LPP: variants seen among roughly 807,000 people sequenced by gnomAD.
The protein encoded by LPP is lipoma-preferred partner.
LPP carries 38 observed loss-of-function variants against 60.4 expected under a neutral mutation model. The ratio of observed to expected loss-of-function variants is 0.63; its 90% confidence interval spans 0.49 to 0.83. The LOEUF (loss-of-function observed/expected upper bound fraction) is 0.83. LPP is among the 40% of genes least tolerant of loss of function. The pLI is 0.00. For synonymous variants in LPP, 328 were observed against 290.8 expected, an observed-to-expected ratio of 1.13 and a Z score of -1.30; for missense variants, 902 against 783.6, an observed-to-expected ratio of 1.15 and a Z score of -1.80.
chr3:188,157,008 A>G (rs537934281), intron 1 of LPP, among the ~76,000 whole-genome samples: 1 of 152,346 alleles, frequency 6.6e-6, no homozygotes, highest in African/African-American at 2.4e-5. Context: ...CAATTGTAAA[A>G]CACACTTTTT....
At chr3:188,841,938 T>A (rs938229139) in intron 9 of LPP, among the ~76,000 whole-genome samples, 1 of 152,138 alleles carries the variant, frequency 6.6e-6, no homozygotes, top group African/African-American at 2.4e-5. Flanking sequence ...CTTAAGGAGA[T>A]TTTGGGCTGA....
At position 188,882,888 on chromosome 3, in the gene LPP, G is replaced by C. The variant is rs371360593; in HGVS notation, c.*8409G>C. On this transcript the variant is annotated 3_prime_UTR_variant, in exon 12 of 12. Transcript: ENST00000617246. ...CGAGTAGCTGGGACTACAGACGCCCGCCACCGCGCCCAGCTAATTTTTTTT... is the reference window on the plus strand; with the variant it reads ...CGAGTAGCTGGGACTACAGACGCCCCCCACCGCGCCCAGCTAATTTTTTTT... 1 of 181,194 alleles carries C rather than the reference G, an allele frequency of 5.5e-6. No individual in the cohort carries two copies. The highest frequency in any genetic ancestry group is 1.2e-5 in the Non-Finnish European group (1 of 85,014). The allele number at this position is 181,194 out of a possible 1,614,324, so 11.2% of individuals were successfully genotyped here.
chr3:188,385,185 C>T (rs552052291), intron 3 of LPP, among the ~76,000 whole-genome samples: 21 of 152,124 alleles, frequency 1.4e-4, no homozygotes, highest in Non-Finnish European at 2.9e-4. Context: ...CCCTGAACCC[C>T]TCACCTTCCC....
At chr3:188,385,805 T>G (rs1778113161) in intron 3 of LPP, among the ~76,000 whole-genome samples, 1 of 152,166 alleles carries the variant, frequency 6.6e-6, no homozygotes, top group Non-Finnish European at 1.5e-5. Context: ...ATTCTAACAC[T>G]AGGTAGGCTG....
intron 5 of LPP, among the ~76,000 whole-genome samples, chr3:188,493,940 C>T (rs1019215950): frequency 6.6e-6 from 1 of 152,032 alleles, no homozygotes; most frequent in South Asian, 2.1e-4. Context: ...TGGTGATAGT[C>T]TGCTTTTGAC....
chr3:188,262,504 C>T (rs984389865), intron 2 of LPP, among the ~76,000 whole-genome samples: 5 of 152,026 alleles, frequency 3.3e-5, no homozygotes, highest in African/African-American at 1.2e-4. Flanking sequence ...AATCTTAACT[C>T]ACCCTCTGTA....
chr3:188,645,406 T>G (rs933331656), intron 7 of LPP, among the ~76,000 whole-genome samples: 3 of 152,220 alleles, frequency 2.0e-5, no homozygotes, highest in Non-Finnish European at 4.4e-5. Context: ...CCATCCTCAG[T>G]GCTTAAGCAC....
chr3:188,495,089 T>A (rs373558856), intron 5 of LPP, among the ~76,000 whole-genome samples: 77 of 110,112 alleles, frequency 7.0e-4, no homozygotes, highest in East Asian at 2.7e-3. Flanking sequence ...TATATTTTAT[T>A]TATATTTTAT....
chr3:188,835,827 G>C (rs1328953174), intron 9 of LPP, among the ~76,000 whole-genome samples: 1 of 152,178 alleles, frequency 6.6e-6, no homozygotes, highest in Non-Finnish European at 1.5e-5. Flanking sequence ...AAATAAGGTA[G>C]CAATTCCTGA....
intron 8 of LPP, among the ~76,000 whole-genome samples, chr3:188,751,556 C>G (rs1386059150): frequency 6.6e-6 from 1 of 152,156 alleles, no homozygotes; most frequent in Non-Finnish European, 1.5e-5. Context: ...ATCAAGTTTC[C>G]TGCCTGGCCA....
intron 7 of LPP, among the ~76,000 whole-genome samples, chr3:188,613,301 T>TATCTATATCTA (rs1336513316): frequency 9.1e-6 from 1 of 110,254 alleles, no homozygotes; most frequent in Non-Finnish European, 2.1e-5. Flanking sequence ...TCTATATCTA[T>TATCTATATCTA]ATCTATATCT....
chr3:188,283,475 C>T (rs1742821853), intron 2 of LPP, among the ~76,000 whole-genome samples: 1 of 152,196 alleles, frequency 6.6e-6, no homozygotes, highest in South Asian at 2.1e-4. Flanking sequence ...ATAAATCCGC[C>T]TCCCAACAGC....
chr3:188,241,769 T>G (rs1232451756), intron 2 of LPP, among the ~76,000 whole-genome samples: 1 of 152,192 alleles, frequency 6.6e-6, no homozygotes, highest in Non-Finnish European at 1.5e-5. Context: ...TAATTTCAGA[T>G]GATAGAATTG....
chr3:188,295,549 T>A (rs562926555), intron 2 of LPP, among the ~76,000 whole-genome samples: 17 of 152,336 alleles, frequency 1.1e-4, no homozygotes, highest in Non-Finnish European at 2.2e-4. Flanking sequence ...TGTTATTTTA[T>A]TTTTTAGAGA....
At chr3:188,618,015 C>T (rs1033827981) in intron 7 of LPP, among the ~76,000 whole-genome samples, 1 of 152,124 alleles carries the variant, frequency 6.6e-6, no homozygotes, top group Non-Finnish European at 1.5e-5. Context: ...AAATTTGAAC[C>T]ATTATTGATA....
chr3:188,227,561 G>C (rs773714496), intron 2 of LPP, among the ~76,000 whole-genome samples: 1 of 152,090 alleles, frequency 6.6e-6, no homozygotes, highest in Non-Finnish European at 1.5e-5. Flanking sequence ...AGAACAAAGT[G>C]AGTGGGTGAT....
intron 6 of LPP, among the ~76,000 whole-genome samples, chr3:188,591,088 A>C (rs1838605646): frequency 6.6e-6 from 1 of 152,166 alleles, no homozygotes; most frequent in Non-Finnish European, 1.5e-5. Flanking sequence ...GATTACTTTC[A>C]GAATTGGAGG....
intron 7 of LPP, among the ~76,000 whole-genome samples, chr3:188,648,341 C>T (rs1011972478): frequency 3.3e-5 from 5 of 152,124 alleles, no homozygotes; most frequent in Non-Finnish European, 7.4e-5. Flanking sequence ...AGACCTTAGG[C>T]CCCTGGGAAT....
At chr3:188,449,511 T>A (rs1468266564) in intron 4 of LPP, among the ~76,000 whole-genome samples, 1 of 152,120 alleles carries the variant, frequency 6.6e-6, no homozygotes, top group Admixed American at 6.6e-5. Context: ...ACTATAATAA[T>A]CTCACAACAA....
Sources: allele counts gnomAD v4.1 joint callset (sites outside exome capture counted in the v4.1 genomes callset), GRCh38; gene constraint gnomAD v4.1.1; transcripts MANE v1.5; gene names NCBI Gene and HGNC (gene_info 2026-07-23, HGNC 2026-07-21).